Variants in BCR observed in about 807,000 individuals in gnomAD.
BCR encodes the protein BCR activator of RhoGEF and GTPase, also known as breakpoint cluster region protein.
In BCR, 58 loss-of-function variants were observed where a neutral mutation model predicts 138.6. The observed-to-expected ratio is 0.42, with a 90% CI of 0.34 to 0.52. BCR has a LOEUF of 0.52. BCR is among the 20% of genes least tolerant of loss of function. BCR has a pLI of 0.06. For missense variants in BCR, 1,599 were observed against 1,727.2 expected (o/e 0.93, Z 1.32); for synonymous variants, 786 against 730.1 (o/e 1.08, Z -1.23).
chr22:23,285,760 A>G (rs1404172252), intron 10 of BCR, among the ~76,000 whole-genome samples: 1 of 152,224 alleles, frequency 6.6e-6, no homozygotes. Context: ...AGGAGGTGCC[A>G]TGAGTAGGGA....
intron 1 of BCR, among the ~76,000 whole-genome samples, chr22:23,201,669 A>G (rs1292001374): frequency 6.6e-6 from 1 of 152,072 alleles, no homozygotes; most frequent in Admixed American, 6.6e-5. Context: ...GTTAGCCAGG[A>G]TGGTCTCGAT....
chr22:23,313,326 G>A (rs2074029058), intron 20 of BCR, among the ~76,000 whole-genome samples: 1 of 152,188 alleles, frequency 6.6e-6, no homozygotes, highest in African/African-American at 2.4e-5. Flanking sequence ...GCTGAAGGAG[G>A]GTGCCTGGGT....
rs1168201272 is a variant in BCR, at chr22:23,184,048, CTT to C, written c.1279+1811_1279+1812del. 2.0e-5 allele frequency among the ~76,000 whole-genome samples: 3 copies of C among 152,284 alleles called. No individual in the cohort carries two copies. The East Asian group carries it at 5.8e-4, about 29-fold the overall frequency. On this transcript the variant is annotated intron_variant, in intron 1 of 22. Transcript: ENST00000305877. ...GAATGTCCTCAAGGTCCCACAGTCT[CTT>C]TCCCATTAGGTTTTATTTTTTCCCC...
intron 20 of BCR, 47 bp downstream of exon 20, chr22:23,313,068 G>A (rs763864276): frequency 7.8e-6 from 12 of 1,538,044 alleles, no homozygotes; most frequent in Non-Finnish European, 1.0e-5. Context: ...TCCTCCACGT[G>A]CACTGCTGCC....
chr22:23,263,195 G>A (rs1210508660), intron 4 of BCR: 50 of 902,318 alleles, frequency 5.5e-5, no homozygotes, highest in South Asian at 8.6e-5. Flanking sequence ...CCGCCTGCCC[G>A]GCTGCGGGGC....
At chr22:23,257,502 T>G (rs1029826950) in intron 2 of BCR, among the ~76,000 whole-genome samples, 13 of 152,346 alleles carry the variant, frequency 8.5e-5, no homozygotes, top group African/African-American at 2.9e-4. Flanking sequence ...AGTAGCAAGA[T>G]TGTCCTTAGA....
intron 2 of BCR, among the ~76,000 whole-genome samples, chr22:23,254,258 C>CA (rs1327939417): frequency 6.6e-6 from 1 of 152,032 alleles, no homozygotes; most frequent in Non-Finnish European, 1.5e-5. Context: ...AGGCCACCAC[C>CA]AAGACCTGCG....
intron 1 of BCR, among the ~76,000 whole-genome samples, chr22:23,241,058 G>A (rs149505336): frequency 1.1e-4 from 17 of 152,312 alleles, no homozygotes; most frequent in East Asian, 7.7e-4. Flanking sequence ...TATGTGGCAC[G>A]TTCTGGTTTT....
chr22:23,273,510 A>T, intron 7 of BCR, 124 bp from the exon 8 acceptor site: 1 of 1,301,588 alleles, frequency 7.7e-7, no homozygotes, highest in Non-Finnish European at 1.1e-6. Context: ...AGTGAGAGAG[A>T]CTGTGGTGAC....
chr22:23,181,916 G>A lies in BCR; in HGVS notation c.956G>A (p.Arg319Gln). ...TGGCCCCGCAGGTCCTACTCCCCCC[G>A]GAGTTTTGAGGATTGCGGAGGCGGC... ...LTWPRRSYSP[R>Q]SFEDCGGGYT... The change falls in exon 1 of 23, where the codon CGG becomes CAG. Residue 319 changes from arginine (R) to glutamine (Q), a missense_variant. Physicochemically the swap from Arg to Gln is conservative, Grantham distance 43. Transcript: ENST00000305877. 2.5e-6 allele frequency: 4 copies of A among 1,613,504 alleles called. No homozygotes were observed. The highest frequency in any genetic ancestry group is 3.4e-6 in the Non-Finnish European group (4 of 1,179,958).
chr22:23,294,842 C>G (rs539530579), intron 15 of BCR, among the ~76,000 whole-genome samples, 182 bp from the exon 16 acceptor site: 1 of 152,300 alleles, frequency 6.6e-6, no homozygotes, highest in East Asian at 1.9e-4. Flanking sequence ...GCCACGGTCT[C>G]ATGCCAGGGG....
intron 15 of BCR, among the ~76,000 whole-genome samples, chr22:23,292,870 T>C (rs1453674586): frequency 6.6e-6 from 1 of 152,200 alleles, no homozygotes; most frequent in Non-Finnish European, 1.5e-5. Flanking sequence ...CCTATTTTGC[T>C]GGAGAAGTGT....
intron 1 of BCR, among the ~76,000 whole-genome samples, chr22:23,252,224 G>C (rs1227345613): frequency 6.6e-6 from 1 of 152,066 alleles, no homozygotes; most frequent in Non-Finnish European, 1.5e-5. Context: ...GGGGGAACCT[G>C]TAGCCCCAGT....
At position 23,314,086 on chromosome 22, in the gene BCR, T is replaced by C. The variant is rs2074038743; in HGVS notation, c.3563+13T>C. ...ACCACCTGAAAAGGTAGCCCAGCTC[T>C]CCCATGGCAGCCCAGGGCTCCAGGT... On this transcript the variant is annotated intron_variant, in intron 21 of 22. Transcript: ENST00000305877. 1 of 1,607,176 alleles carries C rather than the reference T, an allele frequency of 6.2e-7. No homozygotes were observed. Among genetic ancestry groups the C allele is most frequent in the Non-Finnish European group, 8.5e-7 (1 of 1,175,366 alleles).
At chr22:23,204,436 A>G (rs9754416) in intron 1 of BCR, among the ~76,000 whole-genome samples, 3 of 136,254 alleles carry the variant, frequency 2.2e-5, no homozygotes, top group African/African-American at 3.8e-5. Flanking sequence ...GAGTTCCCAG[A>G]AAATTATTTT....
intron 1 of BCR, among the ~76,000 whole-genome samples, chr22:23,220,878 A>C (rs2072817064): frequency 1.3e-5 from 2 of 152,098 alleles, no homozygotes. Flanking sequence ...CTTTTGGATA[A>C]GGGGCTAGAT....
intron 1 of BCR, among the ~76,000 whole-genome samples, chr22:23,226,321 AGAGAGAGTGTGTGTGTGTGT>A (rs1160715056): frequency 6.8e-6 from 1 of 146,574 alleles, no homozygotes; most frequent in Non-Finnish European, 1.5e-5. Flanking sequence ...AGAGAGAGAG[AGAGAGAGTGTGTGTGTGTGT>A]GTGTGTGTGT....
intron 1 of BCR, among the ~76,000 whole-genome samples, chr22:23,237,791 C>T (rs182399397): frequency 4.4e-4 from 67 of 152,342 alleles, no homozygotes; most frequent in African/African-American, 8.2e-4. Flanking sequence ...TAGGGTCACC[C>T]GCTGACCTGC....
In BCR at chr22:23,273,076, C is replaced by T; in HGVS notation, c.1922-5C>T. The T allele has an allele frequency of 6.2e-7, 1 of 1,612,898 alleles. No individual in the cohort carries two copies. Among genetic ancestry groups the T allele is most frequent in the Non-Finnish European group, 8.5e-7 (1 of 1,179,310 alleles). Reference sequence around the variant, plus strand: ...ACCTCTCTCACCTCCCCTCTCTCTCCACAGCTCTGCTCTACAAGCCTGTGG... The same window carrying T: ...ACCTCTCTCACCTCCCCTCTCTCTCTACAGCTCTGCTCTACAAGCCTGTGG... On this transcript the variant is annotated splice_region_variant and splice_polypyrimidine_tract_variant and intron_variant, in intron 6 of 22. Transcript: ENST00000305877.
Sources: allele counts gnomAD v4.1 joint callset (sites outside exome capture counted in the v4.1 genomes callset), GRCh38; gene constraint gnomAD v4.1.1; transcripts MANE v1.5; gene names NCBI Gene and HGNC (gene_info 2026-07-23, HGNC 2026-07-21).